IDE: variants seen among roughly 807,000 people sequenced by gnomAD.
The protein encoded by IDE is insulin degrading enzyme.
In IDE, 58 loss-of-function variants were observed where a neutral mutation model predicts 133.2. That is an observed-to-expected ratio of 0.44 (90% CI 0.35 to 0.54). The LOEUF (loss-of-function observed/expected upper bound fraction) is 0.54. Among genes scored for constraint, IDE ranks in the 20% least tolerant of loss-of-function variants. IDE has a pLI of 0.00. For missense variants in IDE, 981 were observed against 1,234.0 expected, an observed-to-expected ratio of 0.79 and a Z score of 3.07; for synonymous variants, 396 against 421.3, an observed-to-expected ratio of 0.94 and a Z score of 0.73.
At chr10:92,534,145 A>G (rs1850102342) in intron 3 of IDE, among the ~76,000 whole-genome samples, 2 of 152,248 alleles carry the variant, frequency 1.3e-5, no homozygotes, top group Non-Finnish European at 2.9e-5. Flanking sequence ...CTTGCTCCAG[A>G]AAACACTTTC....
At chr10:92,512,402 T>C (rs1031059002) in intron 5 of IDE, among the ~76,000 whole-genome samples, 1 of 152,190 alleles carries the variant, frequency 6.6e-6, no homozygotes, top group Non-Finnish European at 1.5e-5. Context: ...GATCAGAGAA[T>C]TGAGACACTT....
intron 1 of IDE, among the ~76,000 whole-genome samples, chr10:92,560,812 T>G (rs543453863): frequency 2.6e-3 from 395 of 150,472 alleles, no homozygotes; most frequent in African/African-American, 9.2e-3. Context: ...GAGAAGTGAC[T>G]TGTTACTCCT....
intron 1 of IDE, among the ~76,000 whole-genome samples, chr10:92,537,810 G>A (rs956944713): frequency 1.3e-5 from 2 of 152,114 alleles, no homozygotes; most frequent in East Asian, 1.9e-4. Flanking sequence ...AGATAGGGTG[G>A]GTTAGACCAT....
At chr10:92,545,834 A>G (rs564226724) in intron 1 of IDE, among the ~76,000 whole-genome samples, 3 of 152,372 alleles carry the variant, frequency 2.0e-5, no homozygotes, top group East Asian at 1.9e-4. Flanking sequence ...ACTCTCACAC[A>G]CTGCTACAGA....
At chr10:92,460,237 ATAT>A (rs1329202318) in intron 22 of IDE, among the ~76,000 whole-genome samples, 1 of 152,180 alleles carries the variant, frequency 6.6e-6, no homozygotes, top group African/African-American at 2.4e-5. Flanking sequence ...AAAACTTATA[ATAT>A]CTCTGACCAC....
intron 4 of IDE, among the ~76,000 whole-genome samples, chr10:92,522,654 G>C (rs1355546488): frequency 6.6e-6 from 1 of 152,106 alleles, no homozygotes; most frequent in Non-Finnish European, 1.5e-5. Flanking sequence ...ACTAAAACAT[G>C]CAAAATAGAA....
chr10:92,553,220 T>C (rs1842871921), intron 1 of IDE, among the ~76,000 whole-genome samples: 1 of 152,064 alleles, frequency 6.6e-6, no homozygotes, highest in Non-Finnish European at 1.5e-5. Context: ...AGTCAGGAGT[T>C]CTAGACCAGG....
chr10:92,495,003 C>T (rs1847597522), intron 11 of IDE, among the ~76,000 whole-genome samples: 1 of 152,146 alleles, frequency 6.6e-6, no homozygotes, highest in Non-Finnish European at 1.5e-5. Flanking sequence ...GCCAAAATCA[C>T]AGATCTAAGT....
chr10:92,528,319 T>C (rs1849735728), intron 4 of IDE, among the ~76,000 whole-genome samples: 1 of 152,230 alleles, frequency 6.6e-6, no homozygotes, highest in South Asian at 2.1e-4. Context: ...TTGTGGTTTA[T>C]TTTTGTTCAT....
At chr10:92,512,652 T>C (rs76581794) in intron 5 of IDE, among the ~76,000 whole-genome samples, 5,158 of 151,998 alleles carry the variant, frequency 0.034, 137 homozygotes, top group Admixed American at 0.058. Context: ...CCCACCTACC[T>C]GAAGCAAGCA....
At chr10:92,456,116 C>T (rs1359809070) in intron 23 of IDE, among the ~76,000 whole-genome samples, 1 of 152,150 alleles carries the variant, frequency 6.6e-6, no homozygotes, top group Non-Finnish European at 1.5e-5. Flanking sequence ...TTTGGAGACA[C>T]CCCAACAGCA....
chr10:92,455,082 T>C (rs1332970874), intron 24 of IDE, among the ~76,000 whole-genome samples: 1 of 151,780 alleles, frequency 6.6e-6, no homozygotes, highest in Non-Finnish European at 1.5e-5. Context: ...CAGACAAGGG[T>C]AGAGGCTGAG....
At chr10:92,508,353 A>G in intron 7 of IDE, 148 bp from the exon 8 acceptor site, 1 of 678,326 alleles carries the variant, frequency 1.5e-6, no homozygotes, top group Middle Eastern at 2.6e-4. Context: ...TCAGTTCAGA[A>G]AAGCAGTTTA....
intron 15 of IDE, among the ~76,000 whole-genome samples, chr10:92,477,310 TC>T (rs146494460): frequency 0.019 from 2,936 of 152,168 alleles, 45 homozygotes; most frequent in Admixed American, 0.052. Flanking sequence ...CACCACCATG[TC>T]TGGCTAATTT....
intron 1 of IDE, among the ~76,000 whole-genome samples, chr10:92,556,769 CA>C (rs1477803172): frequency 6.6e-6 from 1 of 151,042 alleles, no homozygotes; most frequent in Non-Finnish European, 1.5e-5. Flanking sequence ...AAAACAAAAA[CA>C]AAAATTAGCT....
At position 92,535,346 on chromosome 10, in the gene IDE, G is replaced by A. The variant is rs567662872; in HGVS notation, c.284-561C>T. 4.5e-4 allele frequency among the ~76,000 whole-genome samples: 68 copies of A among 152,212 alleles called. 1 individual carries two copies. The South Asian group carries it at 0.013, about 30-fold the overall frequency. Reference sequence around the variant, plus strand: ...TCTCGATCTCCTGACCTCGTGATCCGCCAGCCTCGGCCTCCCAAAGTGCTG... The same window carrying A: ...TCTCGATCTCCTGACCTCGTGATCCACCAGCCTCGGCCTCCCAAAGTGCTG... On this transcript the variant is annotated intron_variant, in intron 2 of 24. Coordinates refer to ENST00000265986, the MANE Select transcript of IDE (RefSeq NM_004969.4).
intron 20 of IDE, 114 bp downstream of exon 20, chr10:92,465,562 C>A: frequency 1.1e-6 from 1 of 885,886 alleles, no homozygotes; most frequent in Non-Finnish European, 1.8e-6. Flanking sequence ...TCAAGTCTCT[C>A]TAAGTAGACC....
At chr10:92,488,741 C>T (rs1847163559) in intron 12 of IDE, among the ~76,000 whole-genome samples, 1 of 150,702 alleles carries the variant, frequency 6.6e-6, no homozygotes, top group Non-Finnish European at 1.5e-5. Flanking sequence ...GGCGCCATTG[C>T]ACTCCAGCCC....
chr10:92,508,582 AGCGTGCC>A, intron 7 of IDE, 139 bp downstream of exon 7: 1 of 618,968 alleles, frequency 1.6e-6, no homozygotes, highest in Non-Finnish European at 2.7e-6. Flanking sequence ...AAAAGGCAAC[AGCGTGCC>A]AACAACCACC....
Sources: allele counts gnomAD v4.1 joint callset (sites outside exome capture counted in the v4.1 genomes callset), GRCh38; gene constraint gnomAD v4.1.1; transcripts MANE v1.5; gene names NCBI Gene and HGNC (gene_info 2026-07-23, HGNC 2026-07-21).